BEND5: variants seen among roughly 807,000 people sequenced by gnomAD.
BEND5 encodes BEN domain containing 5, also known as BEN domain-containing protein 5.
In BEND5, 22 loss-of-function variants were observed where a neutral mutation model predicts 43.9. That is an observed-to-expected ratio of 0.50 (90% CI 0.36 to 0.72). The LOEUF is 0.72. BEND5 is among the 30% of genes least tolerant of loss of function. The pLI, the probability that BEND5 is intolerant of heterozygous loss-of-function variation, is 0.00. For synonymous variants in BEND5, 228 were observed against 225.9 expected, an observed-to-expected ratio of 1.01 and a Z score of -0.08; for missense variants, 428 against 550.6, an observed-to-expected ratio of 0.78 and a Z score of 2.23.
Position 48,742,737 on chromosome 1 carries a change from T to G in BEND5, c.780A>C (p.Glu260Asp). ...GTAACTCCGGCTCGGGCTCGAGACA[T>G]TCTGACTTTACTTTTTCCAGATCAA... ...PAIDLEKVKS[E>D]CLEPEPELRS... is the part of the protein sequence containing the mutation. The change falls in exon 4 of 6, where the codon GAA (glutamate) becomes GAC (aspartate). Residue 260 changes from glutamate to aspartate, a missense_variant. By Grantham distance (45) the Glu-to-Asp change is conservative. Transcript: ENST00000371833. The G allele has an allele frequency of 6.2e-7, 1 of 1,607,294 alleles. No individual in the cohort carries two copies. Among genetic ancestry groups the G allele is most frequent in the Non-Finnish European group, 8.5e-7 (1 of 1,176,372 alleles).
chr1:48,728,390 A>G (rs1169459174), intron 5 of BEND5, among the ~76,000 whole-genome samples: 1 of 148,440 alleles, frequency 6.7e-6, no homozygotes, highest in Non-Finnish European at 1.5e-5. Flanking sequence ...TTTTTCTTTT[A>G]GTGTTAACAC....
At chr1:48,728,476 G>T (rs1570373251) in intron 5 of BEND5, among the ~76,000 whole-genome samples, 1 of 126,922 alleles carries the variant, frequency 7.9e-6, no homozygotes, top group South Asian at 2.8e-4. Flanking sequence ...CTATCATTCT[G>T]ACTTGCTTTT....
chr1:48,730,518 GGA>G (rs753344172), intron 5 of BEND5, among the ~76,000 whole-genome samples: 3 of 152,158 alleles, frequency 2.0e-5, no homozygotes, highest in Non-Finnish European at 4.4e-5. Flanking sequence ...GGAGAAGGCA[GGA>G]GAGTGGGTGT....
At chr1:48,753,988 C>G (rs1476767810) in intron 3 of BEND5, among the ~76,000 whole-genome samples, 1 of 152,112 alleles carries the variant, frequency 6.6e-6, no homozygotes, top group Admixed American at 6.5e-5. Flanking sequence ...ATTTGTGTTC[C>G]CTGTGAGACT....
At chr1:48,747,415 C>A (rs948649262) in intron 3 of BEND5, among the ~76,000 whole-genome samples, 2 of 152,118 alleles carry the variant, frequency 1.3e-5, no homozygotes, top group Admixed American at 6.5e-5. Context: ...ATTCATGAAC[C>A]CATTCATCAC....
chr1:48,743,892 C>G (rs1030823959), intron 3 of BEND5, among the ~76,000 whole-genome samples: 2 of 152,188 alleles, frequency 1.3e-5, no homozygotes, highest in African/African-American at 4.8e-5. Context: ...AGGAGAGAAT[C>G]TCAATCCTGA....
rs148772068 is a variant in BEND5, at chr1:48,742,767, G to A, written c.750C>T (p.Pro250=). Reference sequence around the variant, plus strand: ...ACTTTACTTTTTCCAGATCAATGGCGGGACCTAGGCAGTTAAGAAAAGAAA... The same window carrying A: ...ACTTTACTTTTTCCAGATCAATGGCAGGACCTAGGCAGTTAAGAAAAGAAA... ...DVLLLRLGSG[P]AIDLEKVKSE... The change falls in exon 4 of 6, where the codon CCC becomes CCT. Residue 250 remains proline (P), a synonymous_variant. Coordinates refer to ENST00000371833, the MANE Select transcript of BEND5 (RefSeq NM_024603.4). The A allele has an allele frequency of 1.6e-5, 26 of 1,596,390 alleles. No individual in the cohort carries two copies. The highest frequency in any genetic ancestry group is 5.4e-5 in the African/African-American group (4 of 74,374).
chr1:48,771,861 A>G (rs12756584), intron 1 of BEND5, among the ~76,000 whole-genome samples: 11,942 of 152,268 alleles, frequency 0.078, 660 homozygotes, highest in East Asian at 0.3. Context: ...TTTGGAAGCT[A>G]TTTCCCCCAA....
intron 1 of BEND5, among the ~76,000 whole-genome samples, chr1:48,763,698 T>C (rs1448488483): frequency 6.6e-6 from 1 of 152,162 alleles, no homozygotes; most frequent in Admixed American, 6.5e-5. Context: ...ATCATGTTAG[T>C]GTGGAGAAAA....
At chr1:48,759,647 T>G (rs910358602) in intron 2 of BEND5, among the ~76,000 whole-genome samples, 1 of 152,186 alleles carries the variant, frequency 6.6e-6, no homozygotes, top group African/African-American at 2.4e-5. Context: ...GGCTTGCTCA[T>G]GGGGGTGTTC....
At chr1:48,745,245 G>C (rs1354310706) in intron 3 of BEND5, among the ~76,000 whole-genome samples, 2 of 152,162 alleles carry the variant, frequency 1.3e-5, no homozygotes, top group African/African-American at 4.8e-5. Flanking sequence ...CTGCTGAGTA[G>C]AGGTGCTTGA....
chr1:48,767,081 A>G (rs1169425376), intron 1 of BEND5, among the ~76,000 whole-genome samples: 3 of 152,220 alleles, frequency 2.0e-5, no homozygotes, highest in African/African-American at 7.2e-5. Flanking sequence ...CAGTGTCATC[A>G]TAACAAATGG....
intron 5 of BEND5, among the ~76,000 whole-genome samples, chr1:48,735,157 A>C (rs1047344368): frequency 1.3e-5 from 2 of 152,258 alleles, no homozygotes; most frequent in Admixed American, 6.5e-5. Context: ...AAAACCCCTA[A>C]ATCCTGAAAC....
At chr1:48,762,650 G>A (rs978374955) in intron 1 of BEND5, among the ~76,000 whole-genome samples, 1 of 138,774 alleles carries the variant, frequency 7.2e-6, no homozygotes, top group East Asian at 2.4e-4. Context: ...GTGTGTGTGT[G>A]TGTGTGTGTA....
chr1:48,757,866 G>A (rs961355614), intron 3 of BEND5, among the ~76,000 whole-genome samples: 2 of 152,202 alleles, frequency 1.3e-5, no homozygotes, highest in African/African-American at 4.8e-5. Context: ...CACTGACTCA[G>A]AGTTATTAAT....
intron 1 of BEND5, among the ~76,000 whole-genome samples, chr1:48,768,320 C>T (rs1311256149): frequency 6.6e-6 from 1 of 152,174 alleles, no homozygotes; most frequent in Non-Finnish European, 1.5e-5. Flanking sequence ...TCCTGAACTA[C>T]AAGGCTTATG....
intron 5 of BEND5, among the ~76,000 whole-genome samples, chr1:48,729,890 A>G (rs1265325458): frequency 1.3e-5 from 2 of 152,042 alleles, no homozygotes; most frequent in Non-Finnish European, 2.9e-5. Context: ...GCCTTTCCAT[A>G]AGGACTGAGA....
chr1:48,757,252 T>C (rs1033559595), intron 3 of BEND5, among the ~76,000 whole-genome samples: 2 of 152,188 alleles, frequency 1.3e-5, no homozygotes, highest in Admixed American at 6.5e-5. Context: ...CACTTTAAGA[T>C]TGGGAAACAT....
intron 1 of BEND5, among the ~76,000 whole-genome samples, chr1:48,769,526 AACACACACACACAC>A (rs558937968): frequency 2.9e-4 from 38 of 130,312 alleles, no homozygotes; most frequent in Middle Eastern, 3.7e-3. Context: ...GAGGATTTAA[AACACACACACACAC>A]ACACACACAC....
Sources: gnomAD v4.1 joint callset for allele counts (sites outside exome capture counted in the v4.1 genomes callset) on GRCh38, gnomAD v4.1.1 for gene constraint, MANE v1.5 for transcripts, NCBI Gene and HGNC (gene_info 2026-07-23, HGNC 2026-07-21) for gene names.